Variants in PTPRO observed in about 807,000 individuals in gnomAD.
PTPRO encodes protein tyrosine phosphatase receptor type O.
A neutral mutation model predicts 145.2 loss-of-function variants in PTPRO; 62 were observed. The ratio of observed to expected loss-of-function variants is 0.43; its 90% CI spans 0.35 to 0.53. The LOEUF (loss-of-function observed/expected upper bound fraction) is 0.53, where lower values mean the gene tolerates loss of function less well. Among genes scored for constraint, PTPRO ranks in the 20% least tolerant of loss-of-function variants. The pLI is 0.01. For missense variants in PTPRO, 1,345 were observed against 1,482.7 expected, an observed-to-expected ratio of 0.91 and a Z score of 1.53; for synonymous variants, 565 against 514.7, an observed-to-expected ratio of 1.10 and a Z score of -1.32.
intron 1 of PTPRO, among the ~76,000 whole-genome samples, chr12:15,413,788 C>G (rs889217785): frequency 6.6e-6 from 1 of 152,018 alleles, no homozygotes; most frequent in Non-Finnish European, 1.5e-5. Flanking sequence ...GCGCTCCAGC[C>G]TGGGCAACAG....
At chr12:15,498,014 G>A (rs1045920363) in intron 3 of PTPRO, among the ~76,000 whole-genome samples, 2 of 151,110 alleles carry the variant, frequency 1.3e-5, no homozygotes, top group African/African-American at 4.9e-5. Context: ...GGAAGAGAGG[G>A]CATTCAGTTT....
intron 2 of PTPRO, among the ~76,000 whole-genome samples, chr12:15,492,760 T>C (rs950454762): frequency 6.6e-6 from 1 of 152,054 alleles, no homozygotes; most frequent in Admixed American, 6.6e-5. Flanking sequence ...AGCTAGTAAA[T>C]TGGAAGATAA....
chr12:15,558,223 C>A (rs940036093), intron 16 of PTPRO, among the ~76,000 whole-genome samples: 1 of 152,164 alleles, frequency 6.6e-6, no homozygotes, highest in Non-Finnish European at 1.5e-5. Context: ...CCTGAGCCCC[C>A]ATGCCAACCC....
intron 1 of PTPRO, among the ~76,000 whole-genome samples, chr12:15,438,246 G>A (rs1016390501): frequency 3.3e-5 from 5 of 152,084 alleles, no homozygotes; most frequent in Admixed American, 2.6e-4. Flanking sequence ...AAAATTAGAA[G>A]TGCCAGTGTC....
At chr12:15,450,585 G>T (rs1211736293) in intron 1 of PTPRO, among the ~76,000 whole-genome samples, 1 of 152,064 alleles carries the variant, frequency 6.6e-6, no homozygotes, top group Non-Finnish European at 1.5e-5. Flanking sequence ...ACCTGCTAGG[G>T]CAACATGGTG....
chr12:15,460,976 G>A (rs953186975), intron 1 of PTPRO, among the ~76,000 whole-genome samples: 1 of 152,098 alleles, frequency 6.6e-6, no homozygotes. Context: ...TCTTCATCCA[G>A]GGCACTCTTA....
intron 1 of PTPRO, among the ~76,000 whole-genome samples, chr12:15,372,211 C>A (rs1050682158): frequency 6.6e-6 from 1 of 151,930 alleles, no homozygotes; most frequent in Non-Finnish European, 1.5e-5. Context: ...ATTTATATAC[C>A]CTGAAAATAT....
At chr12:15,372,882 G>A (rs1032443628) in intron 1 of PTPRO, among the ~76,000 whole-genome samples, 1 of 152,150 alleles carries the variant, frequency 6.6e-6, no homozygotes, top group Non-Finnish European at 1.5e-5. Context: ...AGGCAATGCT[G>A]CAGAGGATAT....
intron 1 of PTPRO, among the ~76,000 whole-genome samples, chr12:15,458,259 AT>A (rs1247962687): frequency 1.3e-5 from 2 of 151,928 alleles, no homozygotes; most frequent in East Asian, 1.9e-4. Context: ...GTGATAAGTC[AT>A]TTTTTTCTTG....
intron 19 of PTPRO, among the ~76,000 whole-genome samples, chr12:15,574,508 A>G (rs1034378007): frequency 9.2e-5 from 14 of 152,210 alleles, no homozygotes; most frequent in African/African-American, 3.1e-4. Context: ...ATCAAAACAA[A>G]ACTACAGAAC....
chr12:15,419,929 C>G lies in PTPRO; in HGVS notation c.76-64045C>G, dbSNP rs993848746. 2.0e-5 allele frequency among the ~76,000 whole-genome samples: 3 copies of G among 150,792 alleles called. 1 individual carries two copies. The highest frequency in any genetic ancestry group is 7.4e-5 in the African/African-American group (3 of 40,586). ...TTGGGAGGCTGAGGTGGGTGGATCA[C>G]GAGGTCAGGAGATCGAGACAATCGT... On this transcript the variant is annotated intron_variant, in intron 1 of 26. Coordinates refer to ENST00000281171, the MANE Select transcript of PTPRO (RefSeq NM_030667.3).
In PTPRO at chr12:15,486,584, C is replaced by A. The variant is rs577951516; in HGVS notation, c.349+2337C>A. Among the ~76,000 whole-genome samples, 4 of 152,068 alleles carry A rather than the reference C, an allele frequency of 2.6e-5. No individual in the cohort carries two copies. In the Middle Eastern group the frequency reaches 0.014, roughly 517 times the overall value. ...ATGTAATAGTAGATTTTCTGGTAGACACATTAAAATGCTTTTTAAAAAGGT... is the reference window on the plus strand; with the variant it reads ...ATGTAATAGTAGATTTTCTGGTAGAAACATTAAAATGCTTTTTAAAAAGGT... On this transcript the variant is annotated intron_variant, in intron 2 of 26. Transcript: ENST00000281171.
intron 19 of PTPRO, among the ~76,000 whole-genome samples, chr12:15,577,563 T>C (rs1944213514): frequency 6.6e-6 from 1 of 152,188 alleles, no homozygotes; most frequent in African/African-American, 2.4e-5. Context: ...CCAGCTTTGA[T>C]TCCTTGAAGT....
At chr12:15,402,415 G>A (rs555269278) in intron 1 of PTPRO, among the ~76,000 whole-genome samples, 15 of 151,820 alleles carry the variant, frequency 9.9e-5, no homozygotes, top group Admixed American at 9.8e-4. Context: ...AACCCAATAG[G>A]AATTCCTCCT....
chr12:15,469,184 T>C (rs982634781), intron 1 of PTPRO, among the ~76,000 whole-genome samples: 2 of 152,210 alleles, frequency 1.3e-5, no homozygotes, highest in African/African-American at 4.8e-5. Flanking sequence ...ATCTTTCACA[T>C]TATCTTTCAA....
In PTPRO at chr12:15,520,327, G is replaced by C. The variant is rs1565681327; in HGVS notation, c.1891+15G>C. The C allele has an allele frequency of 1.3e-6, 2 of 1,569,734 alleles. No individual in the cohort carries two copies. The highest frequency in any genetic ancestry group is 1.8e-6 in the Non-Finnish European group (2 of 1,139,954). On this transcript the variant is annotated intron_variant, in intron 10 of 26. Transcript: ENST00000281171. ...CTTCATAACAGGTGAGGCATGTGTGGGGAACAGTTCCACAAGGAGAGAGCA... is the reference window on the plus strand; with the variant it reads ...CTTCATAACAGGTGAGGCATGTGTGCGGAACAGTTCCACAAGGAGAGAGCA...
At chr12:15,579,786 C>G (rs1944269800) in intron 20 of PTPRO, among the ~76,000 whole-genome samples, 1 of 151,980 alleles carries the variant, frequency 6.6e-6, no homozygotes, top group Non-Finnish European at 1.5e-5. Flanking sequence ...CTGAACAACA[C>G]CTAAACAATC....
intron 12 of PTPRO, 163 bp from the exon 13 acceptor site, chr12:15,546,405 TA>T: frequency 6.9e-7 from 1 of 1,443,756 alleles, no homozygotes; most frequent in Non-Finnish European, 9.0e-7. Flanking sequence ...CCAAGTTAGA[TA>T]GCTATCTTTA....
chr12:15,589,108 G>A (rs1944490239), intron 24 of PTPRO, among the ~76,000 whole-genome samples: 1 of 152,186 alleles, frequency 6.6e-6, no homozygotes, highest in African/African-American at 2.4e-5. Flanking sequence ...GGCCGAGGTG[G>A]CTCACGCCTC....
Sources: gnomAD v4.1 joint callset for allele counts (sites outside exome capture counted in the v4.1 genomes callset) on GRCh38, gnomAD v4.1.1 for gene constraint, MANE v1.5 for transcripts, NCBI Gene and HGNC (gene_info 2026-07-23, HGNC 2026-07-21) for gene names.